Variants in IMMP2L observed in about 807,000 individuals in gnomAD.
IMMP2L encodes the protein mitochondrial inner membrane protease subunit 2.
A neutral mutation model predicts 19.3 loss-of-function variants in IMMP2L; 18 were observed. That is an observed-to-expected ratio of 0.93 (90% confidence interval 0.64 to 1.38). IMMP2L has a LOEUF of 1.38. Among genes scored for constraint, IMMP2L ranks in the 40% most tolerant of loss-of-function variants. The pLI is 0.00. For missense variants in IMMP2L, 233 were observed against 218.2 expected (o/e 1.07, Z -0.43); for synonymous variants, 76 against 73.0 (o/e 1.04, Z -0.21).
chr7:111,047,526 A>T (rs2129572097), intron 3 of IMMP2L, among the ~76,000 whole-genome samples: 1 of 152,234 alleles, frequency 6.6e-6, no homozygotes, highest in African/African-American at 2.4e-5. Context: ...TTTCTCTTGG[A>T]TTTCAAGATA....
chr7:110,763,218 G>C (rs935962292), intron 5 of IMMP2L, among the ~76,000 whole-genome samples: 1 of 152,116 alleles, frequency 6.6e-6, no homozygotes, highest in Non-Finnish European at 1.5e-5. Flanking sequence ...GATAGAACAA[G>C]CTTAACATTT....
intron 3 of IMMP2L, among the ~76,000 whole-genome samples, chr7:111,278,008 T>C (rs1226938819): frequency 6.6e-6 from 1 of 152,118 alleles, no homozygotes; most frequent in Non-Finnish European, 1.5e-5. Flanking sequence ...TGTTCTCACT[T>C]ATAAGTGGGA....
intron 3 of IMMP2L, among the ~76,000 whole-genome samples, chr7:111,235,220 C>G (rs564719694): frequency 2.0e-5 from 3 of 152,012 alleles, no homozygotes; most frequent in African/African-American, 7.3e-5. Flanking sequence ...GCCTGTAATA[C>G]CAGCACTTTG....
chr7:111,520,736 A>G (rs1284056131), intron 2 of IMMP2L, among the ~76,000 whole-genome samples: 1 of 152,148 alleles, frequency 6.6e-6, no homozygotes, highest in Admixed American at 6.5e-5. Context: ...CATCAACTTT[A>G]GGACAACATA....
intron 1 of IMMP2L, among the ~76,000 whole-genome samples, chr7:111,558,979 T>C (rs937163345): frequency 6.6e-6 from 1 of 151,976 alleles, no homozygotes; most frequent in Admixed American, 6.6e-5. Context: ...TGATTTTGCC[T>C]TGTTAACTTG....
chr7:111,301,035 G>T (rs939942186), intron 3 of IMMP2L, among the ~76,000 whole-genome samples: 1 of 152,042 alleles, frequency 6.6e-6, no homozygotes, highest in Admixed American at 6.6e-5. Flanking sequence ...TTTCCAGAGT[G>T]GCTGTACAAT....
intron 4 of IMMP2L, among the ~76,000 whole-genome samples, chr7:110,916,199 T>C (rs1813600305): frequency 6.6e-6 from 1 of 152,206 alleles, no homozygotes; most frequent in Non-Finnish European, 1.5e-5. Context: ...GCAGTCACTG[T>C]GATGATATTG....
chr7:111,164,027 G>A (rs2129607503), intron 3 of IMMP2L, among the ~76,000 whole-genome samples: 1 of 148,274 alleles, frequency 6.7e-6, no homozygotes, highest in Middle Eastern at 3.4e-3. Flanking sequence ...ATAACATTTA[G>A]AGGATTAAAA....
Position 110,825,149 on chromosome 7 carries a change from A to C in IMMP2L, c.408+61444T>G, listed in dbSNP as rs1047149565. On this transcript the variant is annotated intron_variant, in intron 5 of 5. Transcript: ENST00000405709. ...TACAAGGGATGTGAAGGACCTCCTC[A>C]AGGAGAACTAAAAACCACTGCTTAG... is the stretch of plus-strand genomic sequence containing the variant. 2.7e-4 allele frequency among the ~76,000 whole-genome samples: 41 copies of C among 152,192 alleles called. 1 individual carries two copies. The highest frequency in any genetic ancestry group is 2.3e-3 in the Admixed American group (35 of 15,274).
At chr7:111,011,518 A>G (rs1824954088) in intron 3 of IMMP2L, among the ~76,000 whole-genome samples, 1 of 152,200 alleles carries the variant, frequency 6.6e-6, no homozygotes, top group African/African-American at 2.4e-5. Context: ...CTCTGAAATG[A>G]AGTCTAAGGG....
intron 3 of IMMP2L, among the ~76,000 whole-genome samples, chr7:111,282,458 T>G (rs774152849): frequency 5.3e-5 from 8 of 152,138 alleles, no homozygotes; most frequent in Non-Finnish European, 8.8e-5. Flanking sequence ...CAGGAAGTTA[T>G]AGAAATGATA....
At chr7:111,498,086 T>G in intron 2 of IMMP2L, among the ~76,000 whole-genome samples, 1 of 152,054 alleles carries the variant, frequency 6.6e-6, no homozygotes, top group Non-Finnish European at 1.5e-5. Flanking sequence ...TTATTACTAA[T>G]ATTTTTAAAG....
At chr7:110,806,634 A>T (rs1801656744) in intron 5 of IMMP2L, among the ~76,000 whole-genome samples, 1 of 152,064 alleles carries the variant, frequency 6.6e-6, no homozygotes, top group South Asian at 2.1e-4. Flanking sequence ...AAACCAACTA[A>T]AGGGATACTG....
intron 3 of IMMP2L, among the ~76,000 whole-genome samples, chr7:111,006,997 T>C (rs1824359897): frequency 6.6e-6 from 1 of 152,128 alleles, no homozygotes; most frequent in Admixed American, 6.6e-5. Context: ...CTCTTGAACC[T>C]ACTTGTATTA....
At chr7:111,233,468 TA>T (rs1419265042) in intron 3 of IMMP2L, among the ~76,000 whole-genome samples, 1 of 152,012 alleles carries the variant, frequency 6.6e-6, no homozygotes, top group Non-Finnish European at 1.5e-5. Flanking sequence ...ACAAACTGAC[TA>T]TATAATAATT....
intron 4 of IMMP2L, among the ~76,000 whole-genome samples, chr7:110,903,634 A>G (rs1342509246): frequency 6.6e-6 from 1 of 152,126 alleles, no homozygotes; most frequent in East Asian, 1.9e-4. Context: ...TCTACACAAC[A>G]TTTTCTTTAT....
At chr7:110,845,842 A>C (rs910415799) in intron 5 of IMMP2L, among the ~76,000 whole-genome samples, 1 of 152,098 alleles carries the variant, frequency 6.6e-6, no homozygotes, top group Non-Finnish European at 1.5e-5. Flanking sequence ...CATGAACGAG[A>C]CTAGTGCCCT....
Position 110,993,345 on chromosome 7 carries a change from C to A in IMMP2L, c.240-29780G>T, listed in dbSNP as rs1822689465. Reference sequence around the variant, plus strand: ...ATGTCTCTGCTCTAAACAGGTCTCACAGAAGTTACATTGATTGTCCAATGA... The same window carrying A: ...ATGTCTCTGCTCTAAACAGGTCTCAAAGAAGTTACATTGATTGTCCAATGA... On this transcript the variant is annotated intron_variant, in intron 3 of 5. Coordinates refer to ENST00000405709, the MANE Select transcript of IMMP2L (RefSeq NM_032549.4). Among the ~76,000 whole-genome samples the A allele has an allele frequency of 2.0e-5, 3 of 152,188 alleles. No homozygotes were observed. The South Asian group carries it at 6.2e-4, about 31-fold the overall frequency.
chr7:111,024,531 C>A (rs561835835), intron 3 of IMMP2L, among the ~76,000 whole-genome samples: 1 of 152,296 alleles, frequency 6.6e-6, no homozygotes, highest in East Asian at 1.9e-4. Context: ...TAAGCTGGGA[C>A]AATGGTAAGG....
Sources: gnomAD v4.1 joint callset for allele counts (sites outside exome capture counted in the v4.1 genomes callset) on GRCh38, gnomAD v4.1.1 for gene constraint, MANE v1.5 for transcripts, NCBI Gene and HGNC (gene_info 2026-07-23, HGNC 2026-07-21) for gene names.